ADGRL4: variants seen among roughly 807,000 people sequenced by gnomAD.
ADGRL4 encodes EGF, latrophilin and seven transmembrane domain containing 1.
Under a neutral mutation model 74.8 loss-of-function variants are expected in ADGRL4, and 90 were observed. The observed-to-expected ratio is 1.20, with a 90% confidence interval of 1.02 to 1.43. The LOEUF (loss-of-function observed/expected upper bound fraction) is 1.43, where lower values mean the gene tolerates loss of function less well. ADGRL4 is among the 40% of genes most tolerant of loss of function. The pLI is 0.00. For synonymous variants in ADGRL4, 311 were observed against 279.2 expected (o/e 1.11, Z -1.14); for missense variants, 881 against 814.3 (o/e 1.08, Z -1.00).
intron 13 of ADGRL4, among the ~76,000 whole-genome samples, chr1:78,892,382 A>G (rs1648298669): frequency 6.6e-6 from 1 of 152,118 alleles, no homozygotes; most frequent in Non-Finnish European, 1.5e-5. Context: ...CTCACTAAGG[A>G]CATTGCCTTG....
intron 12 of ADGRL4, among the ~76,000 whole-genome samples, chr1:78,903,955 AAATAAATAAATAAATAAATAAATAAT>A (rs1648572192): frequency 9.6e-6 from 1 of 104,562 alleles, no homozygotes; most frequent in Non-Finnish European, 2.1e-5. Flanking sequence ...ATAAATAAAT[AAATAAATAAATAAATAAATAAATAAT>A]AATAATAATA....
chr1:78,972,772 C>T (rs923997313), intron 2 of ADGRL4, among the ~76,000 whole-genome samples: 2 of 152,176 alleles, frequency 1.3e-5, no homozygotes, highest in African/African-American at 4.8e-5. Context: ...TAAGACCTTT[C>T]ACATAATTTC....
At chr1:79,004,357 A>G (rs1457170500) in intron 2 of ADGRL4, among the ~76,000 whole-genome samples, 1 of 151,998 alleles carries the variant, frequency 6.6e-6, no homozygotes, top group Non-Finnish European at 1.5e-5. Flanking sequence ...AAAAAGATTG[A>G]GTGTGTTGGG....
chr1:78,972,618 A>G (rs1650192330), intron 2 of ADGRL4, among the ~76,000 whole-genome samples: 1 of 152,184 alleles, frequency 6.6e-6, no homozygotes, highest in Non-Finnish European at 1.5e-5. Context: ...ATTTAGTATT[A>G]TTATTTTTAA....
In ADGRL4 at chr1:78,889,802, G is replaced by A. The variant is rs1459110425; in HGVS notation, c.*1352C>T. Reference sequence around the variant, plus strand: ...CATTTTATTTGTTAGAGCAAGATTTGGCAGACTTCATTTCAACAGCTGGAG... The same window carrying A: ...CATTTTATTTGTTAGAGCAAGATTTAGCAGACTTCATTTCAACAGCTGGAG... On this transcript the variant is annotated 3_prime_UTR_variant, in exon 15 of 15. Coordinates refer to ENST00000370742, the MANE Select transcript of ADGRL4 (RefSeq NM_022159.4). The A allele has an allele frequency of 2.2e-6, 1 of 457,064 alleles. No individual in the cohort carries two copies. Among genetic ancestry groups the A allele is most frequent in the Admixed American group, 2.5e-5 (1 of 40,540 alleles). 28.3% of individuals were successfully genotyped at this position (457,064 alleles called of 1,614,324 possible). A position where few individuals can be genotyped will look rare whatever the true frequency, so the allele number is the denominator to read the frequency against.
At chr1:78,892,321 A>G (rs1426827799) in intron 13 of ADGRL4, among the ~76,000 whole-genome samples, 2 of 152,174 alleles carry the variant, frequency 1.3e-5, no homozygotes, top group Non-Finnish European at 1.5e-5. Context: ...GCACTCTTAC[A>G]TCTTTTCAGC....
Position 78,997,525 on chromosome 1 carries a change from GT to G in ADGRL4, c.172+7544del, listed in dbSNP as rs577400279. 6.6e-5 allele frequency among the ~76,000 whole-genome samples: 10 copies of G among 151,620 alleles called. No homozygotes were observed. The East Asian group carries it at 1.7e-3, about 26-fold the overall frequency. On this transcript the variant is annotated intron_variant, in intron 2 of 14. Coordinates refer to ENST00000370742, the MANE Select transcript of ADGRL4 (RefSeq NM_022159.4). ...TTTTGAGGTTATATCAAAGTAATAA[GT>G]TTTTTTTTGTTGTGTGATAGTTCTT...
At chr1:78,959,258 C>T (rs1191545625) in intron 2 of ADGRL4, among the ~76,000 whole-genome samples, 1 of 152,126 alleles carries the variant, frequency 6.6e-6, no homozygotes, top group African/African-American at 2.4e-5. Flanking sequence ...TAGCTCATTG[C>T]TCTACATAAA....
At chr1:78,934,267 A>T (rs1649307863) in intron 7 of ADGRL4, among the ~76,000 whole-genome samples, 1 of 152,152 alleles carries the variant, frequency 6.6e-6, no homozygotes, top group African/African-American at 2.4e-5. Flanking sequence ...CAACCATCTG[A>T]TCTTCAACAA....
chr1:78,933,472 C>T (rs1342232395), intron 7 of ADGRL4, among the ~76,000 whole-genome samples: 1 of 151,422 alleles, frequency 6.6e-6, no homozygotes, highest in Admixed American at 6.6e-5. Flanking sequence ...CAGCCAATAT[C>T]ATATTGAATG....
chr1:78,965,718 A>T (rs930553487), intron 2 of ADGRL4, among the ~76,000 whole-genome samples: 1 of 152,146 alleles, frequency 6.6e-6, no homozygotes, highest in African/African-American at 2.4e-5. Flanking sequence ...CAGTAAATTA[A>T]CTCTGTCATT....
intron 12 of ADGRL4, among the ~76,000 whole-genome samples, chr1:78,909,932 T>C (rs1046526427): frequency 6.6e-6 from 1 of 151,852 alleles, no homozygotes; most frequent in Non-Finnish European, 1.5e-5. Flanking sequence ...AATTAGCACA[T>C]AGTCATAATA....
intron 10 of ADGRL4, among the ~76,000 whole-genome samples, chr1:78,918,345 C>T (rs983961673): frequency 6.6e-6 from 1 of 151,790 alleles, no homozygotes; most frequent in Non-Finnish European, 1.5e-5. Flanking sequence ...GGATTATTCT[C>T]ATGTAAACCA....
chr1:78,964,118 G>A (rs150747680), intron 2 of ADGRL4, among the ~76,000 whole-genome samples: 3 of 152,128 alleles, frequency 2.0e-5, no homozygotes, highest in South Asian at 2.1e-4. Flanking sequence ...ACCCAATCTG[G>A]GATGGTAAAA....
At chr1:78,927,178 C>T in intron 7 of ADGRL4, 87 bp from the exon 8 acceptor site, 1 of 858,208 alleles carries the variant, frequency 1.2e-6, no homozygotes, top group South Asian at 1.7e-5. Context: ...ATTGAATAGA[C>T]AAACATTTTA....
intron 2 of ADGRL4, among the ~76,000 whole-genome samples, chr1:78,952,061 T>C (rs1649735384): frequency 6.6e-6 from 1 of 152,072 alleles, no homozygotes; most frequent in South Asian, 2.1e-4. Flanking sequence ...TTTAATCTAT[T>C]GACCAAAGAT....
At chr1:78,917,580 C>T in intron 12 of ADGRL4, 54 bp downstream of exon 12, 1 of 1,176,718 alleles carries the variant, frequency 8.5e-7, no homozygotes, top group Admixed American at 2.7e-5. Context: ...AAATTTTAAG[C>T]ACCCTATGAT....
Position 78,921,676 on chromosome 1 carries a change from G to A in ADGRL4, c.1194C>T (p.His398=), listed in dbSNP as rs760214189. The A allele has an allele frequency of 1.2e-5, 19 of 1,602,972 alleles. No individual in the cohort carries two copies. The highest frequency in any genetic ancestry group is 2.7e-5 in the African/African-American group (2 of 73,964). The change falls in exon 9 of 15, where the codon CAC becomes CAT. Residue 398 remains histidine, a synonymous_variant. Coordinates refer to ENST00000370742, the MANE Select transcript of ADGRL4 (RefSeq NM_022159.4). ...TCAGGTGATTACAGCGGCATGAGGTGTGGGTCTCATTTGAGTATGTCAGCT... is the reference window on the plus strand; with the variant it reads ...TCAGGTGATTACAGCGGCATGAGGTATGGGTCTCATTTGAGTATGTCAGCT... The part of the protein sequence containing the change: ...GCELTYSNET[H]TSCRCNHLTH...
At chr1:78,961,007 TTGAG>T (rs1244900959) in intron 2 of ADGRL4, among the ~76,000 whole-genome samples, 11 of 152,316 alleles carry the variant, frequency 7.2e-5, no homozygotes, top group African/African-American at 1.2e-4. Flanking sequence ...CATAAATAAA[TTGAG>T]TAAGTTTTTT....
Sources: allele counts gnomAD v4.1 joint callset (sites outside exome capture counted in the v4.1 genomes callset), GRCh38; gene constraint gnomAD v4.1.1; transcripts MANE v1.5; gene names NCBI Gene and HGNC (gene_info 2026-07-23, HGNC 2026-07-21).